The following MEGF9 variants were observed in gnomAD, a reference collection of about 807,000 sequenced individuals.
MEGF9 encodes multiple epidermal growth factor-like domains protein 9.
Under a neutral mutation model 46.8 loss-of-function variants are expected in MEGF9, and 6 were observed. The ratio of observed to expected loss-of-function variants is 0.13; its 90% CI spans 0.07 to 0.25. The LOEUF (loss-of-function observed/expected upper bound fraction) is 0.25. Among genes scored for constraint, MEGF9 ranks in the 10% least tolerant of loss-of-function variants. The probability of loss-of-function intolerance (pLI) is 1.00; values close to 1 mark genes in which losing one functional copy is unlikely to be tolerated. For synonymous variants in MEGF9, 302 were observed against 330.7 expected (o/e 0.91, Z 0.94); for missense variants, 683 against 792.4 (o/e 0.86, Z 1.66).
At chr9:120,611,865 A>AGGAAGGAAGGAAGAG (rs572613293) in intron 4 of MEGF9, among the ~76,000 whole-genome samples, 4 of 137,222 alleles carry the variant, frequency 2.9e-5, no homozygotes, top group African/African-American at 8.8e-5. Flanking sequence ...GGAAGGAAGA[A>AGGAAGGAAGGAAGAG]AGAGAGAGAG....
At chr9:120,705,033 T>C (rs2043922024) in intron 1 of MEGF9, among the ~76,000 whole-genome samples, 1 of 152,178 alleles carries the variant, frequency 6.6e-6, no homozygotes, top group Non-Finnish European at 1.5e-5. Flanking sequence ...TTTTTCTTTA[T>C]TGTTCCTCAG....
rs1484357794 is a variant in MEGF9 at position 120,629,982 on chromosome 9, T to C, written c.804-7227A>G. On this transcript the variant is annotated intron_variant, in intron 2 of 5. Transcript: ENST00000373930. ...ATTGGAACACAGTCATTAATTTACG[T>C]ATTGTCTATGGCTATTTTCACTCTT... 2.0e-5 allele frequency among the ~76,000 whole-genome samples: 3 copies of C among 151,952 alleles called. No individual in the cohort carries two copies. The East Asian group carries it at 5.8e-4, about 29-fold the overall frequency.
At chr9:120,665,665 T>C (rs1348683292) in intron 1 of MEGF9, among the ~76,000 whole-genome samples, 3 of 152,224 alleles carry the variant, frequency 2.0e-5, no homozygotes, top group Non-Finnish European at 4.4e-5. Context: ...TTCATGGCTG[T>C]ATAGTACCAA....
rs142340501 is a variant in MEGF9, at chr9:120,651,625, T to A, written c.803+7749A>T. Among the ~76,000 whole-genome samples the A allele has an allele frequency of 1.3e-4, 20 of 152,098 alleles. No individual in the cohort carries two copies. The East Asian group carries it at 2.9e-3, about 22-fold the overall frequency. On this transcript the variant is annotated intron_variant, in intron 2 of 5. Transcript: ENST00000373930. ...TAAGCTATTATTATTCTAAAATATA[T>A]AGCATTCAATTTTAAAAGGTATAAT...
chr9:120,647,903 A>C (rs2043632628), intron 2 of MEGF9, among the ~76,000 whole-genome samples: 1 of 152,080 alleles, frequency 6.6e-6, no homozygotes, highest in Non-Finnish European at 1.5e-5. Context: ...TCAAGCCAGA[A>C]ACATGGGAGT....
At chr9:120,624,593 C>T (rs1213698380) in intron 2 of MEGF9, among the ~76,000 whole-genome samples, 4 of 152,048 alleles carry the variant, frequency 2.6e-5, no homozygotes, top group Non-Finnish European at 2.9e-5. Context: ...ATAGGCCGGG[C>T]GTGGTGGCTC....
chr9:120,666,080 T>C (rs2043723745), intron 1 of MEGF9, among the ~76,000 whole-genome samples: 1 of 152,186 alleles, frequency 6.6e-6, no homozygotes, highest in African/African-American at 2.4e-5. Context: ...TCTGCTGTGA[T>C]TCCATATGAA....
At chr9:120,645,733 T>C (rs990344200) in intron 2 of MEGF9, among the ~76,000 whole-genome samples, 1 of 152,214 alleles carries the variant, frequency 6.6e-6, no homozygotes, top group African/African-American at 2.4e-5. Context: ...CTTTCCAATA[T>C]CTATTGTTTG....
At chr9:120,705,793 G>T (rs2132345780) in intron 1 of MEGF9, among the ~76,000 whole-genome samples, 2 of 151,434 alleles carry the variant, frequency 1.3e-5, no homozygotes, top group South Asian at 4.2e-4. Context: ...GGGCAGTCAG[G>T]GTAGTCATTT....
intron 1 of MEGF9, among the ~76,000 whole-genome samples, chr9:120,710,896 T>C (rs7036925): frequency 0.043 from 6,490 of 152,286 alleles, 460 homozygotes; most frequent in African/African-American, 0.15. Context: ...GAACTAGATA[T>C]TGGCAATCTA....
chr9:120,697,063 G>C (rs1163228224), intron 1 of MEGF9, among the ~76,000 whole-genome samples: 1 of 152,160 alleles, frequency 6.6e-6, no homozygotes, highest in Non-Finnish European at 1.5e-5. Flanking sequence ...AATCACATTT[G>C]CAAGTCTGAT....
chr9:120,633,096 C>T (rs967390956), intron 2 of MEGF9, among the ~76,000 whole-genome samples: 2 of 152,122 alleles, frequency 1.3e-5, no homozygotes, highest in Admixed American at 1.3e-4. Flanking sequence ...CAGGGTGATG[C>T]TAGCCTTACA....
intron 3 of MEGF9, among the ~76,000 whole-genome samples, chr9:120,614,932 T>C (rs1381048405): frequency 6.6e-6 from 1 of 152,006 alleles, no homozygotes; most frequent in African/African-American, 2.4e-5. Flanking sequence ...TATACATACA[T>C]ACATATATAT....
chr9:120,614,225 G>A (rs2043461502), intron 3 of MEGF9, among the ~76,000 whole-genome samples: 1 of 152,078 alleles, frequency 6.6e-6, no homozygotes, highest in South Asian at 2.1e-4. Flanking sequence ...GTTTCACTAC[G>A]TTGGCCAGGC....
rs2043396393 is a variant in MEGF9, at chr9:120,601,602, T to C, written c.*3588A>G. On this transcript the variant is annotated 3_prime_UTR_variant, in exon 6 of 6. Coordinates refer to ENST00000373930, the MANE Select transcript of MEGF9 (RefSeq NM_001080497.3). ...AATGTTGTCTAAAAAACCTCTCTCC[T>C]CTCATCCCATGTTTCCTCTGTTCTC... 2 of 152,164 alleles carry C rather than the reference T, an allele frequency of 1.3e-5. No individual in the cohort carries two copies. The highest frequency in any genetic ancestry group is 4.8e-5 in the African/African-American group (2 of 41,444). 9.4% of individuals were successfully genotyped at this position (152,164 alleles called of 1,614,324 possible).
At chr9:120,631,056 A>G (rs1303906706) in intron 2 of MEGF9, among the ~76,000 whole-genome samples, 1 of 152,224 alleles carries the variant, frequency 6.6e-6, no homozygotes, top group Non-Finnish European at 1.5e-5. Context: ...CTCTGCCCAG[A>G]GCACTGCCCT....
chr9:120,682,216 A>G (rs2043801717), intron 1 of MEGF9, among the ~76,000 whole-genome samples: 2 of 152,252 alleles, frequency 1.3e-5, no homozygotes, highest in South Asian at 4.1e-4. Context: ...AAAATAATTC[A>G]TTAATGCCTG....
chr9:120,638,703 G>C (rs1448920675), intron 2 of MEGF9, among the ~76,000 whole-genome samples: 1 of 152,228 alleles, frequency 6.6e-6, no homozygotes, highest in African/African-American at 2.4e-5. Context: ...GCACCTTGAA[G>C]TAGCATCACA....
rs928770658 is a variant in MEGF9, at chr9:120,696,829, A to G, written c.601+16929T>C. On this transcript the variant is annotated intron_variant, in intron 1 of 5. Transcript: ENST00000373930. Reference sequence around the variant, plus strand: ...CAAATATGATGAGGTTTTACTTTATATATGTATTCTCCACATCTATAGTTG... The same window carrying G: ...CAAATATGATGAGGTTTTACTTTATGTATGTATTCTCCACATCTATAGTTG... Among the ~76,000 whole-genome samples the G allele has an allele frequency of 3.9e-5, 6 of 152,320 alleles. No homozygotes were observed. In the South Asian group the frequency reaches 1.2e-3, roughly 32 times the overall value.
Sources: allele counts gnomAD v4.1 joint callset (sites outside exome capture counted in the v4.1 genomes callset), GRCh38; gene constraint gnomAD v4.1.1; transcripts MANE v1.5; gene names NCBI Gene and HGNC (gene_info 2026-07-23, HGNC 2026-07-21).